The following PCDHAC2 variants were observed in gnomAD, a reference collection of about 807,000 sequenced individuals.
The protein encoded by PCDHAC2 is protocadherin alpha-C2.
In PCDHAC2, 24 loss-of-function variants were observed where a neutral mutation model predicts 63.3. The ratio of observed to expected loss-of-function variants is 0.38; its 90% CI spans 0.27 to 0.53. The LOEUF (loss-of-function observed/expected upper bound fraction) is 0.53. PCDHAC2 is among the 20% of genes least tolerant of loss of function. The probability of loss-of-function intolerance (pLI) is 0.81; values close to 1 mark genes in which losing one functional copy is unlikely to be tolerated. For synonymous variants in PCDHAC2, 569 were observed against 529.4 expected, an observed-to-expected ratio of 1.07 and a Z score of -1.03; for missense variants, 1,181 against 1,275.2, an observed-to-expected ratio of 0.93 and a Z score of 1.12.
At chr5:140,989,546 CT>C (rs1343132361) in intron 3 of PCDHAC2, among the ~76,000 whole-genome samples, 1 of 152,140 alleles carries the variant, frequency 6.6e-6, no homozygotes, top group African/African-American at 2.4e-5. Context: ...TTTGTAATTC[CT>C]TTACGTTTTG....
At position 140,967,098 on chromosome 5, in the gene PCDHAC2, G is replaced by C; in HGVS notation, c.332G>C (p.Cys111Ser). Residue 111 changes from cysteine (C) to serine (S), a missense_variant, in exon 1 of 4, where the codon TGT becomes TCT. This residue lies in a region of PCDHAC2 where 210 missense variants were observed against 184.9 expected (regional missense o/e 1.14). Transcript: ENST00000289269. ...VNERIDREAL[C>S]EQRPRCLLSL... is the part of the protein sequence containing the mutation. ...GAGCGCATTGATCGGGAGGCGCTGT[G>C]TGAGCAGCGGCCTCGCTGCCTGCTC... The C allele has an allele frequency of 6.2e-7, 1 of 1,613,130 alleles. No homozygotes were observed. Among genetic ancestry groups the C allele is most frequent in the Non-Finnish European group, 8.5e-7 (1 of 1,179,620 alleles).
Position 140,968,322 on chromosome 5 carries a change from C to T in PCDHAC2, c.1556C>T (p.Thr519Ile), listed in dbSNP as rs782755782. 5.6e-6 allele frequency: 9 copies of T among 1,614,122 alleles called. No homozygotes were observed. The highest frequency in any genetic ancestry group is 6.8e-6 in the Non-Finnish European group (8 of 1,180,014). Residue 519 changes from threonine to isoleucine, a missense_variant, in exon 1 of 4, where the codon ACC becomes ATC. By Grantham distance (89) the Thr-to-Ile change is moderately conservative. This residue lies in a region of PCDHAC2 where 968 missense variants were observed against 1,073.5 expected (regional missense o/e 0.90). Coordinates refer to ENST00000289269, the MANE Select transcript of PCDHAC2 (RefSeq NM_018899.6). ...LEREIQGLPV[T>I]SYVSINSASG... ...AGGGAGATTCAAGGGCTGCCAGTCA[C>T]CTCCTATGTCTCCATTAACAGTGCC...
intron 3 of PCDHAC2, among the ~76,000 whole-genome samples, chr5:140,994,729 A>G (rs1382639837): frequency 6.6e-6 from 1 of 152,180 alleles, no homozygotes; most frequent in Non-Finnish European, 1.5e-5. Flanking sequence ...AATACTGGGT[A>G]TTGCAGGATG....
chr5:140,982,264 TG>T, intron 2 of PCDHAC2: 1 of 865,882 alleles, frequency 1.2e-6, no homozygotes, highest in Non-Finnish European at 1.7e-6. Flanking sequence ...TGTGTGTTCC[TG>T]GAATAGTATA....
chr5:141,000,393 CTCTA>C (rs1240848742), intron 3 of PCDHAC2, among the ~76,000 whole-genome samples: 128 of 52,788 alleles, frequency 2.4e-3, no homozygotes, highest in Admixed American at 6.8e-3. Context: ...CTCTCTCTCT[CTCTA>C]TATATATATA....
chr5:140,969,464 C>A, intron 1 of PCDHAC2, 133 bp downstream of exon 1: 1 of 1,491,558 alleles, frequency 6.7e-7, no homozygotes. Flanking sequence ...ATATAGTATC[C>A]ACAATTTGAT....
chr5:140,998,005 C>G (rs539275150), intron 3 of PCDHAC2, among the ~76,000 whole-genome samples: 1 of 152,164 alleles, frequency 6.6e-6, no homozygotes, highest in South Asian at 2.1e-4. Flanking sequence ...TCTGAGCCTT[C>G]CATCCCCACC....
intron 3 of PCDHAC2, among the ~76,000 whole-genome samples, chr5:141,006,502 C>T (rs987435396): frequency 1.8e-4 from 28 of 152,118 alleles, no homozygotes; most frequent in African/African-American, 2.9e-4. Context: ...TGTGAGCCAC[C>T]GCGCCTGGCT....
Position 141,010,445 on chromosome 5 carries a change from A to C in PCDHAC2, c.*508A>C. On this transcript the variant is annotated 3_prime_UTR_variant, in exon 4 of 4. Transcript: ENST00000289269. ...AAGGCAAGAAAACAAAGACAAATAA[A>C]CAGCGGAAGTTATCAGTATGGAGGG... 1.1e-6 allele frequency: 1 copy of C among 944,134 alleles called. No individual in the cohort carries two copies. The highest frequency in any genetic ancestry group is 1.5e-6 in the Non-Finnish European group (1 of 656,048). 58.5% of individuals were successfully genotyped at this position (944,134 alleles called of 1,614,324 possible).
intron 2 of PCDHAC2, among the ~76,000 whole-genome samples, chr5:140,982,084 A>G (rs2096965344): frequency 6.6e-6 from 1 of 152,266 alleles, no homozygotes; most frequent in East Asian, 1.9e-4. Flanking sequence ...TAGAGAACCT[A>G]GGAACAAGAG....
At chr5:141,001,455 G>T (rs2098019131) in intron 3 of PCDHAC2, among the ~76,000 whole-genome samples, 1 of 152,210 alleles carries the variant, frequency 6.6e-6, no homozygotes, top group Non-Finnish European at 1.5e-5. Flanking sequence ...ACTGTCAATT[G>T]AAGGACTAAG....
At chr5:140,991,640 T>C (rs1315335320) in intron 3 of PCDHAC2, among the ~76,000 whole-genome samples, 1 of 152,194 alleles carries the variant, frequency 6.6e-6, no homozygotes, top group Non-Finnish European at 1.5e-5. Flanking sequence ...AACAATCTGT[T>C]CATGACAATT....
intron 3 of PCDHAC2, among the ~76,000 whole-genome samples, chr5:140,985,991 A>G (rs575854221): frequency 2.7e-4 from 41 of 152,022 alleles, no homozygotes; most frequent in African/African-American, 9.2e-4. Context: ...CGCCCACCTC[A>G]GCCTCCCAAA....
rs782070226 is a variant in PCDHAC2 at position 141,010,142 on chromosome 5, C to G, written c.*205C>G. 1 of 1,588,326 alleles carries G rather than the reference C, an allele frequency of 6.3e-7. No homozygotes were observed. Among genetic ancestry groups the G allele is most frequent in the South Asian group, 1.1e-5 (1 of 88,492 alleles). On this transcript the variant is annotated 3_prime_UTR_variant, in exon 4 of 4. Transcript: ENST00000289269. ...TTACTAAGTCTGGTGTTAACTCTTTCTCTCCACTCTGGCTTGTTTTCAGAA... is the reference window on the plus strand; with the variant it reads ...TTACTAAGTCTGGTGTTAACTCTTTGTCTCCACTCTGGCTTGTTTTCAGAA...
rs1310141347 is a variant in PCDHAC2, at chr5:140,970,963, T to C, written c.2565+1632T>C. ...TGCTGAGAAACCATGGGAGGCAGAT[T>C]GTAGATTAAGAAAAATGGGGGAATA... On this transcript the variant is annotated intron_variant, in intron 1 of 3. Coordinates refer to ENST00000289269, the MANE Select transcript of PCDHAC2 (RefSeq NM_018899.6). Among the ~76,000 whole-genome samples, 41 of 152,180 alleles carry C rather than the reference T, an allele frequency of 2.7e-4. 1 individual carries two copies. Among genetic ancestry groups the C allele is most frequent in the Admixed American group, 2.7e-3 (41 of 15,274 alleles).
Position 140,969,254 on chromosome 5 carries a change from A to G in PCDHAC2, c.2488A>G (p.Arg830Gly), listed in dbSNP as rs781854163. 1.2e-6 allele frequency: 2 copies of G among 1,614,242 alleles called. No homozygotes were observed. Among genetic ancestry groups the G allele is most frequent in the Non-Finnish European group, 1.7e-6 (2 of 1,180,036 alleles). Residue 830 changes from arginine (R) to glycine (G), a missense_variant, in exon 1 of 4, where the codon AGG becomes GGG. Arg to Gly is a moderately radical substitution (Grantham distance 125). This residue lies in a region of PCDHAC2 where 968 missense variants were observed against 1,073.5 expected (regional missense o/e 0.90). Coordinates refer to ENST00000289269, the MANE Select transcript of PCDHAC2 (RefSeq NM_018899.6). ...SGAQAAVTDS[R>G]NLTGQSGQNA... ...AGCCCAAGCAGCAGTGACTGACAGCAGGAATCTCACAGGCCAAAGTGGTCA... is the reference window on the plus strand; with the variant it reads ...AGCCCAAGCAGCAGTGACTGACAGCGGGAATCTCACAGGCCAAAGTGGTCA...
chr5:141,000,385 C>CTA (rs2097909674), intron 3 of PCDHAC2, among the ~76,000 whole-genome samples: 1 of 64,994 alleles, frequency 1.5e-5, no homozygotes, highest in Non-Finnish European at 2.9e-5. Context: ...CTCTCTCTCT[C>CTA]TCTCTCTCTC....
In PCDHAC2 at chr5:140,966,631, G is replaced by A; in HGVS notation, c.-136G>A. 1.0e-6 allele frequency: 1 copy of A among 995,532 alleles called. No individual in the cohort carries two copies. The highest frequency in any genetic ancestry group is 1.4e-6 in the Non-Finnish European group (1 of 735,376). The allele number at this position is 995,532 out of a possible 1,614,324, so 61.7% of individuals were successfully genotyped here. On this transcript the variant is annotated 5_prime_UTR_variant, in exon 1 of 4. Transcript: ENST00000289269. ...AGGGCCTACGGAGGGAGCGGCCCCA[G>A]GCGCTTTCTAGAGCGTGAGCGGTGG...
At chr5:141,006,222 T>C (rs1463720721) in intron 3 of PCDHAC2, among the ~76,000 whole-genome samples, 1 of 152,098 alleles carries the variant, frequency 6.6e-6, no homozygotes, top group Non-Finnish European at 1.5e-5. Flanking sequence ...TTTTAAATTT[T>C]TTATTTTTAG....
Sources: gnomAD v4.1 joint callset for allele counts (sites outside exome capture counted in the v4.1 genomes callset) on GRCh38, gnomAD v4.1.1 for gene constraint, gnomAD v4.1.1 regional missense constraint, MANE v1.5 for transcripts, NCBI Gene and HGNC (gene_info 2026-07-23, HGNC 2026-07-21) for gene names.